The following ASAP1 variants were observed in gnomAD, a reference collection of about 807,000 sequenced individuals.
ASAP1 encodes arf-GAP with SH3 domain, ANK repeat and PH domain-containing protein 1.
ASAP1 carries 43 observed loss-of-function variants against 145.2 expected under a neutral mutation model. The observed-to-expected ratio is 0.30, with a 90% CI of 0.23 to 0.38. The LOEUF is 0.38. Among genes scored for constraint, ASAP1 ranks in the 10% least tolerant of loss-of-function variants. ASAP1 has a pLI of 1.00. For missense variants in ASAP1, 1,018 were observed against 1,355.3 expected, an observed-to-expected ratio of 0.75 and a Z score of 3.91; for synonymous variants, 546 against 515.5, an observed-to-expected ratio of 1.06 and a Z score of -0.80.
At chr8:130,234,712 A>ACGGTAAATACAGCAGCACCT (rs377161273) in intron 4 of ASAP1, among the ~76,000 whole-genome samples, 3,067 of 152,204 alleles carry the variant, frequency 0.02, 100 homozygotes, top group African/African-American at 0.068. Flanking sequence ...AGCCCTCAGC[A>ACGGTAAATACAGCAGCACCT]CGGTAAATAC....
At chr8:130,181,443 G>A (rs1015169492) in intron 7 of ASAP1, among the ~76,000 whole-genome samples, 3 of 152,108 alleles carry the variant, frequency 2.0e-5, no homozygotes, top group African/African-American at 4.8e-5. Flanking sequence ...CTTGAATATC[G>A]ACAGCTTGCA....
intron 24 of ASAP1, among the ~76,000 whole-genome samples, chr8:130,097,251 C>T (rs911199329): frequency 6.7e-6 from 1 of 149,270 alleles, no homozygotes; most frequent in Non-Finnish European, 1.5e-5. Context: ...TTTTGGGTAT[C>T]AGGTGCTGTG....
chr8:130,235,105 A>G (rs944601099), intron 4 of ASAP1, among the ~76,000 whole-genome samples: 4 of 152,182 alleles, frequency 2.6e-5, no homozygotes, highest in African/African-American at 9.7e-5. Context: ...TAAATAATAT[A>G]CTTGACTTGA....
At chr8:130,093,528 G>A (rs1479636250) in intron 24 of ASAP1, among the ~76,000 whole-genome samples, 1 of 152,024 alleles carries the variant, frequency 6.6e-6, no homozygotes, top group Non-Finnish European at 1.5e-5. Flanking sequence ...TTAGCCAGGT[G>A]TGGCGGTGCA....
intron 24 of ASAP1, among the ~76,000 whole-genome samples, chr8:130,105,857 G>GA (rs1251992742): frequency 1.3e-5 from 2 of 152,150 alleles, no homozygotes; most frequent in Non-Finnish European, 2.9e-5. Flanking sequence ...TTCCACACAG[G>GA]AAACAGCATT....
At chr8:130,304,675 A>G (rs1050665621) in intron 3 of ASAP1, among the ~76,000 whole-genome samples, 1 of 152,216 alleles carries the variant, frequency 6.6e-6, no homozygotes, top group African/African-American at 2.4e-5. Context: ...CACAGGAAGT[A>G]CATCACCAAC....
At chr8:130,429,708 C>T (rs1017938304) in intron 1 of ASAP1, among the ~76,000 whole-genome samples, 17 of 152,298 alleles carry the variant, frequency 1.1e-4, no homozygotes, top group South Asian at 6.2e-4. Context: ...CACTACTGAA[C>T]TTAACTTACC....
intron 3 of ASAP1, among the ~76,000 whole-genome samples, chr8:130,270,160 A>T (rs1820505892): frequency 6.6e-6 from 1 of 152,238 alleles, no homozygotes; most frequent in African/African-American, 2.4e-5. Context: ...ACAGAGCGAG[A>T]ATCTTGTCTC....
chr8:130,116,905 G>C lies in ASAP1; in HGVS notation c.1971C>G (p.Leu657=). Residue 657 remains leucine, a synonymous_variant, in exon 21 of 30, where the codon CTC becomes CTG. Coordinates refer to ENST00000518721, the MANE Select transcript of ASAP1 (RefSeq NM_018482.4). ...CTATATCCACAGTGGGCTTGCTCCTGAGCAAAAGCTTCAAACACTCAGGTT... is the reference window on the plus strand; with the variant it reads ...CTATATCCACAGTGGGCTTGCTCCTCAGCAAAAGCTTCAAACACTCAGGTT... ...YSKPECLKLL[L]RSKPTVDIVN... 6.2e-7 allele frequency: 1 copy of C among 1,613,990 alleles called. No homozygotes were observed.
intron 2 of ASAP1, among the ~76,000 whole-genome samples, chr8:130,371,260 C>T (rs557793062): frequency 1.2e-4 from 19 of 152,192 alleles, no homozygotes; most frequent in Non-Finnish European, 2.5e-4. Context: ...AGGTTAAGTG[C>T]TAGACCTAGG....
chr8:130,092,217 A>G, intron 24 of ASAP1, 74 bp from the exon 25 acceptor site: 1 of 1,452,164 alleles, frequency 6.9e-7, no homozygotes, highest in Non-Finnish European at 9.2e-7. Flanking sequence ...GTATGAAATC[A>G]CTTCCACACA....
chr8:130,092,241 TG>T (rs1302338388), intron 24 of ASAP1, 98 bp from the exon 25 acceptor site: 3 of 1,308,450 alleles, frequency 2.3e-6, no homozygotes, highest in Non-Finnish European at 3.1e-6. Context: ...GAATGTGGTA[TG>T]ACACACAGAG....
intron 3 of ASAP1, among the ~76,000 whole-genome samples, chr8:130,347,614 G>A (rs1173704889): frequency 6.6e-6 from 1 of 152,134 alleles, no homozygotes; most frequent in Non-Finnish European, 1.5e-5. Flanking sequence ...ATCACCCCCA[G>A]GCTGAAGACG....
chr8:130,238,934 C>T (rs914295836), intron 3 of ASAP1, among the ~76,000 whole-genome samples: 5 of 152,128 alleles, frequency 3.3e-5, no homozygotes, highest in African/African-American at 1.2e-4. Context: ...ATTCTAACTC[C>T]ATATCTTATC....
intron 27 of ASAP1, among the ~76,000 whole-genome samples, chr8:130,065,242 G>C (rs75911352): frequency 6.6e-6 from 1 of 152,132 alleles, no homozygotes; most frequent in African/African-American, 2.4e-5. Flanking sequence ...CACACAGGGC[G>C]GGGTCTGGAA....
In ASAP1 at chr8:130,057,915, A is replaced by G. The variant is rs751959843; in HGVS notation, c.3315+39T>C. 3.7e-6 allele frequency: 6 copies of G among 1,609,800 alleles called. No homozygotes were observed. The South Asian group carries it at 6.6e-5, about 18-fold the overall frequency. On this transcript the variant is annotated intron_variant, in intron 29 of 29. Transcript: ENST00000518721. ...TGTGGTGCCTGCCCAGGCATGCTGT[A>G]TGAATGTACGGATGAAGTGGATGGA...
At chr8:130,424,924 C>A (rs951653419) in intron 1 of ASAP1, among the ~76,000 whole-genome samples, 13 of 149,476 alleles carry the variant, frequency 8.7e-5, no homozygotes, top group African/African-American at 2.2e-4. Flanking sequence ...ACCCGGGAGG[C>A]AGAGGTTGCA....
At chr8:130,078,426 C>A (rs1711989393) in intron 26 of ASAP1, among the ~76,000 whole-genome samples, 1 of 151,994 alleles carries the variant, frequency 6.6e-6, no homozygotes. Context: ...TCCCGTATAG[C>A]CAGGTATGTA....
chr8:130,351,567 G>C (rs1041275143), intron 3 of ASAP1, among the ~76,000 whole-genome samples: 5 of 152,152 alleles, frequency 3.3e-5, no homozygotes, highest in African/African-American at 7.2e-5. Context: ...GGCTTCTGCG[G>C]ATGCCTCAGG....
Sources: gnomAD v4.1 joint callset for allele counts (sites outside exome capture counted in the v4.1 genomes callset) on GRCh38, gnomAD v4.1.1 for gene constraint, MANE v1.5 for transcripts, NCBI Gene and HGNC (gene_info 2026-07-23, HGNC 2026-07-21) for gene names.